Variants in PTPN20 observed in about 807,000 individuals in gnomAD.
PTPN20 encodes the protein protein tyrosine phosphatase non-receptor type 20, also known as tyrosine-protein phosphatase non-receptor type 20.
Under a neutral mutation model 35.0 loss-of-function variants are expected in PTPN20, and 9 were observed. The observed-to-expected ratio is 0.26, with a 90% confidence interval of 0.15 to 0.45. PTPN20 has a LOEUF of 0.45. PTPN20 is among the 20% of genes least tolerant of loss of function. PTPN20 has a pLI of 1.00. For missense variants in PTPN20, 111 were observed against 312.5 expected (o/e 0.36, Z 4.86); for synonymous variants, 32 against 100.2 (o/e 0.32, Z 4.06).
chr10:46,939,662 C>T (rs1256811871), intron 2 of PTPN20, among the ~76,000 whole-genome samples: 7 of 151,570 alleles, frequency 4.6e-5, no homozygotes, highest in Non-Finnish European at 1.0e-4. Flanking sequence ...GAATACAAAA[C>T]TCATTTATAT....
intron 1 of PTPN20, among the ~76,000 whole-genome samples, chr10:46,928,582 C>T (rs1319986314): frequency 6.6e-6 from 1 of 151,970 alleles, no homozygotes; most frequent in Non-Finnish European, 1.5e-5. Context: ...TCCCTCTGAG[C>T]CCCCAGTCCT....
intron 10 of PTPN20, 67 bp downstream of exon 10, chr10:47,000,041 T>C: frequency 6.3e-7 from 1 of 1,598,402 alleles, no homozygotes; most frequent in Non-Finnish European, 8.6e-7. Flanking sequence ...CATAACACTT[T>C]ACCACTTAAA....
intron 9 of PTPN20, among the ~76,000 whole-genome samples, chr10:46,992,315 G>A (rs2058138642): frequency 6.6e-6 from 1 of 151,738 alleles, no homozygotes; most frequent in East Asian, 1.9e-4. Flanking sequence ...TAGAGATGGG[G>A]TTTCACCATG....
At chr10:46,923,309 A>G (rs1206546687) in intron 1 of PTPN20, among the ~76,000 whole-genome samples, 1 of 145,734 alleles carries the variant, frequency 6.9e-6, no homozygotes, top group Non-Finnish European at 1.5e-5. Flanking sequence ...TAAGCCACCC[A>G]GTTTGTGGTA....
At chr10:46,976,398 C>CTTTTTT (rs1198403320) in intron 7 of PTPN20, among the ~76,000 whole-genome samples, 2 of 69,672 alleles carry the variant, frequency 2.9e-5, no homozygotes, top group Non-Finnish European at 5.8e-5. Context: ...TCAAGCTCTA[C>CTTTTTT]TTTTTTTTTT....
chr10:46,946,563 T>G lies in PTPN20; in HGVS notation c.228T>G (p.Ser76Arg). The G allele has an allele frequency of 6.2e-7, 1 of 1,610,978 alleles. No individual in the cohort carries two copies. The highest frequency in any genetic ancestry group is 1.7e-5 in the Admixed American group (1 of 59,886). ...GCAAATATATACATTTCTTTTCTAGTGGCAGTGATCCCAGCATGTGGACAG... is the reference window on the plus strand; with the variant it reads ...GCAAATATATACATTTCTTTTCTAGGGGCAGTGATCCCAGCATGTGGACAG... Reference protein sequence around the residue: ...YEDVFEEPSESGSDPSMWTAR... With the variant: ...YEDVFEEPSERGSDPSMWTAR... The change falls in exon 5 of 11, where the codon AGT becomes AGG. Residue 76 changes from serine to arginine, a missense_variant and splice_region_variant. Ser to Arg is a moderately radical substitution (Grantham distance 110). Transcript: ENST00000374339.
rs1166904775 is a variant in PTPN20 at position 46,995,339 on chromosome 10, T to C, written c.1135-4573T>C. Among the ~76,000 whole-genome samples, 1,030 of 146,154 alleles carry C rather than the reference T, an allele frequency of 7.0e-3. 7 individuals carry two copies. Among genetic ancestry groups the C allele is most frequent in the African/African-American group, 0.024 (939 of 39,528 alleles). On this transcript the variant is annotated intron_variant, in intron 9 of 10. Coordinates refer to ENST00000374339, the MANE Select transcript of PTPN20 (RefSeq NM_001042357.5). The stretch of plus-strand genomic sequence containing the variant: ...CCTGTCGAATTTTTTTTTTCTTTTT[T>C]TTTTTTTTTTTTTTGGTGAGGGGCT...
intron 2 of PTPN20, among the ~76,000 whole-genome samples, chr10:46,938,184 C>T (rs1328687478): frequency 6.1e-5 from 9 of 148,740 alleles, no homozygotes; most frequent in African/African-American, 1.5e-4. Flanking sequence ...CTCCTGACCT[C>T]GTGATCCACC....
intron 5 of PTPN20, among the ~76,000 whole-genome samples, chr10:46,950,904 T>C (rs1384774226): frequency 1.3e-4 from 20 of 151,628 alleles, no homozygotes; most frequent in Non-Finnish European, 2.6e-4. Flanking sequence ...TATTATTATA[T>C]AGGTTAAGAC....
At chr10:46,960,693 T>A (rs1218106356) in intron 5 of PTPN20, among the ~76,000 whole-genome samples, 1 of 152,194 alleles carries the variant, frequency 6.6e-6, no homozygotes, top group Non-Finnish European at 1.5e-5. Context: ...CTCTTTTTCT[T>A]ACTTCTGTGT....
At position 47,000,915 on chromosome 10, in the gene PTPN20, G is replaced by T. The variant is rs1404534874; in HGVS notation, c.*174G>T. The T allele has an allele frequency of 3.0e-5, 22 of 743,644 alleles. No individual in the cohort carries two copies. In the South Asian group the frequency reaches 3.0e-4, roughly 10 times the overall value. The allele number at this position is 743,644 out of a possible 1,614,324, so 46.1% of individuals were successfully genotyped here. A position where few individuals can be genotyped will look rare whatever the true frequency, so the allele number is the denominator to read the frequency against. On this transcript the variant is annotated 3_prime_UTR_variant, in exon 11 of 11. Transcript: ENST00000374339. ...GAAGGGCAATATCATTTGGCTTGGG[G>T]TGATCAGTGTTTACTTATTGATCTT...
chr10:46,993,351 C>T (rs560261894), intron 9 of PTPN20, among the ~76,000 whole-genome samples: 9 of 152,336 alleles, frequency 5.9e-5, no homozygotes, highest in African/African-American at 2.2e-4. Flanking sequence ...GATTAGGTCA[C>T]CAGGAGATCC....
chr10:46,993,552 G>T (rs2058431162), intron 9 of PTPN20, among the ~76,000 whole-genome samples: 1 of 152,166 alleles, frequency 6.6e-6, no homozygotes, highest in Non-Finnish European at 1.5e-5. Context: ...CAGCTGTGGG[G>T]ACTTCCCAGT....
At chr10:46,983,234 G>A (rs1201673253) in intron 7 of PTPN20, among the ~76,000 whole-genome samples, 7,653 of 151,792 alleles carry the variant, frequency 0.05, 257 homozygotes, top group Admixed American at 0.1. Context: ...GAGCCACCGC[G>A]CCTGGCTGAT....
chr10:46,933,306 C>T (rs1469789854), intron 2 of PTPN20, among the ~76,000 whole-genome samples: 1 of 150,986 alleles, frequency 6.6e-6, no homozygotes, highest in Non-Finnish European at 1.5e-5. Context: ...CATTTTCTTT[C>T]TTTGTGTGTA....
chr10:46,966,266 C>G (rs1484776179), intron 6 of PTPN20, among the ~76,000 whole-genome samples: 3 of 150,496 alleles, frequency 2.0e-5, no homozygotes, highest in African/African-American at 7.3e-5. Flanking sequence ...GTGTCTTACA[C>G]GTAGTATTTT....
At chr10:46,947,988 A>G (rs1276826069) in intron 5 of PTPN20, 3 of 452,820 alleles carry the variant, frequency 6.6e-6, no homozygotes, top group East Asian at 7.0e-5. Flanking sequence ...GCTGGGTCAT[A>G]AGTGTATAAC....
chr10:46,926,689 C>T (rs1437677062), intron 1 of PTPN20, among the ~76,000 whole-genome samples: 31 of 151,448 alleles, frequency 2.0e-4, no homozygotes, highest in African/African-American at 7.6e-4. Flanking sequence ...TAGTCACATT[C>T]ATGGCTAAGA....
intron 7 of PTPN20, among the ~76,000 whole-genome samples, chr10:46,983,730 A>G (rs1555172178): frequency 1.4e-5 from 2 of 139,686 alleles, no homozygotes; most frequent in Non-Finnish European, 3.0e-5. Context: ...GTTTGGGGAC[A>G]GTGGTGGAAT....
Sources: allele counts gnomAD v4.1 joint callset (sites outside exome capture counted in the v4.1 genomes callset), GRCh38; gene constraint gnomAD v4.1.1; transcripts MANE v1.5; gene names NCBI Gene and HGNC (gene_info 2026-07-23, HGNC 2026-07-21).